The following FAM171A1 variants were observed in gnomAD, a reference collection of about 807,000 sequenced individuals.
FAM171A1 encodes protein FAM171A1.
Under a neutral mutation model 74.9 loss-of-function variants are expected in FAM171A1, and 23 were observed. The ratio of observed to expected loss-of-function variants is 0.31; its 90% CI spans 0.22 to 0.44. The LOEUF is 0.44. FAM171A1 is among the 20% of genes least tolerant of loss of function. FAM171A1 has a pLI of 1.00. For missense variants in FAM171A1, 1,162 were observed against 1,159.2 expected (o/e 1.00, Z -0.03); for synonymous variants, 527 against 505.7 (o/e 1.04, Z -0.57).
intron 1 of FAM171A1, among the ~76,000 whole-genome samples, chr10:15,369,687 G>A (rs953486508): frequency 2.0e-5 from 3 of 152,198 alleles, no homozygotes; most frequent in African/African-American, 7.2e-5. Context: ...TGTTGGCAGA[G>A]CCTTTCCTCC....
At chr10:15,305,890 CG>C (rs1564271635) in intron 1 of FAM171A1, among the ~76,000 whole-genome samples, 2 of 152,088 alleles carry the variant, frequency 1.3e-5, no homozygotes, top group African/African-American at 4.8e-5. Context: ...TGCACGAACA[CG>C]GGGACAGACA....
In FAM171A1 at chr10:15,371,061, C is replaced by G. The variant is rs1394133966; in HGVS notation, c.-9G>C. 12 of 1,079,248 alleles carry G rather than the reference C, an allele frequency of 1.1e-5. No homozygotes were observed. The highest frequency in any genetic ancestry group is 1.4e-5 in the Non-Finnish European group (12 of 878,942). The allele number at this position is 1,079,248 out of a possible 1,614,324, so 66.9% of individuals were successfully genotyped here. ...GTCGCGGACCTGCTCATCTCCGCCG[C>G]GGGGCCGGCGGCGGCTCGGGCTCGC... On this transcript the variant is annotated 5_prime_UTR_variant, in exon 1 of 8. Coordinates refer to ENST00000378116, the MANE Select transcript of FAM171A1 (RefSeq NM_001010924.2).
At chr10:15,285,898 C>T (rs1424174115) in intron 1 of FAM171A1, among the ~76,000 whole-genome samples, 3 of 152,204 alleles carry the variant, frequency 2.0e-5, no homozygotes, top group African/African-American at 7.2e-5. Flanking sequence ...CTGGGTCAGC[C>T]TTGCAGGTAT....
At chr10:15,277,943 A>G (rs1834915084) in intron 2 of FAM171A1, among the ~76,000 whole-genome samples, 1 of 152,060 alleles carries the variant, frequency 6.6e-6, no homozygotes, top group African/African-American at 2.4e-5. Flanking sequence ...TTTAGTAGTG[A>G]TGGGGTTTCG....
intron 5 of FAM171A1, among the ~76,000 whole-genome samples, chr10:15,243,370 C>T (rs1474853362): frequency 6.6e-6 from 1 of 152,136 alleles, no homozygotes; most frequent in Non-Finnish European, 1.5e-5. Flanking sequence ...GTCCCTTGAC[C>T]GTATAAGGTA....
intron 1 of FAM171A1, among the ~76,000 whole-genome samples, chr10:15,345,925 G>A (rs1163286764): frequency 2.0e-5 from 3 of 152,256 alleles, no homozygotes; most frequent in South Asian, 2.1e-4. Context: ...AGAAATGTCC[G>A]CTGGATCTGG....
chr10:15,228,318 C>G (rs1029118874), intron 5 of FAM171A1, among the ~76,000 whole-genome samples: 1 of 146,122 alleles, frequency 6.8e-6, no homozygotes, highest in Admixed American at 6.9e-5. Flanking sequence ...AGCCAAAGTA[C>G]AAGAACAAAG....
Position 15,212,013 on chromosome 10 carries a change from G to A in FAM171A1, c.*902C>T, listed in dbSNP as rs1381822967. On this transcript the variant is annotated 3_prime_UTR_variant, in exon 8 of 8. Coordinates refer to ENST00000378116, the MANE Select transcript of FAM171A1 (RefSeq NM_001010924.2). ...ACTAGAGAGCACACTGTGTTGAAAC[G>A]AGGATGCTGACCCCAAATGGCACTT... 6.6e-6 allele frequency: 1 copy of A among 152,640 alleles called. No individual in the cohort carries two copies. Among genetic ancestry groups the A allele is most frequent in the Non-Finnish European group, 1.5e-5 (1 of 68,050 alleles). The allele number at this position is 152,640 out of a possible 1,614,324, so 9.5% of individuals were successfully genotyped here.
chr10:15,233,523 T>A, intron 5 of FAM171A1, among the ~76,000 whole-genome samples: 1 of 113,350 alleles, frequency 8.8e-6, no homozygotes, highest in East Asian at 2.5e-4. Context: ...GTATTCAGGG[T>A]GTGTGTGTGT....
rs116250540 is a variant in FAM171A1, at chr10:15,304,617, C to G, written c.98-20512G>C. Reference sequence around the variant, plus strand: ...TCCTGCCCACATTTTCTCCTGCTCCCTCAGCCTCCTGGCTGGCCCTGGTGT... The same window carrying G: ...TCCTGCCCACATTTTCTCCTGCTCCGTCAGCCTCCTGGCTGGCCCTGGTGT... On this transcript the variant is annotated intron_variant, in intron 1 of 7. Coordinates refer to ENST00000378116, the MANE Select transcript of FAM171A1 (RefSeq NM_001010924.2). 7.5e-3 allele frequency among the ~76,000 whole-genome samples: 1,135 copies of G among 152,336 alleles called. 12 individuals are homozygous for G. Among genetic ancestry groups the G allele is most frequent in the African/African-American group, 0.026 (1,075 of 41,576 alleles).
At chr10:15,350,381 A>AGTGCAGT (rs1275864254) in intron 1 of FAM171A1, among the ~76,000 whole-genome samples, 6 of 152,136 alleles carry the variant, frequency 3.9e-5, no homozygotes, top group Non-Finnish European at 5.9e-5. Flanking sequence ...TGTGTTGCCC[A>AGTGCAGT]GGCTGGAGTG....
At chr10:15,311,124 C>A (rs539529051) in intron 1 of FAM171A1, among the ~76,000 whole-genome samples, 1 of 152,204 alleles carries the variant, frequency 6.6e-6, no homozygotes, top group Non-Finnish European at 1.5e-5. Context: ...CAGGCTACTG[C>A]CCCCTGTTCC....
At chr10:15,304,004 C>A (rs1013962880) in intron 1 of FAM171A1, among the ~76,000 whole-genome samples, 1 of 152,202 alleles carries the variant, frequency 6.6e-6, no homozygotes, top group Admixed American at 6.5e-5. Context: ...GACGATTTCC[C>A]GGGGCTGATG....
intron 1 of FAM171A1, among the ~76,000 whole-genome samples, chr10:15,325,668 G>A (rs752762138): frequency 1.3e-5 from 2 of 152,130 alleles, no homozygotes; most frequent in East Asian, 3.9e-4. Flanking sequence ...GTAGAATCAA[G>A]CTTTGATATT....
chr10:15,217,571 G>T (rs561987943), intron 6 of FAM171A1, among the ~76,000 whole-genome samples: 2 of 152,004 alleles, frequency 1.3e-5, no homozygotes, highest in Admixed American at 1.3e-4. Context: ...GCGAGGAGGG[G>T]GTTAAAGTTT....
intron 5 of FAM171A1, among the ~76,000 whole-genome samples, chr10:15,243,093 G>A (rs988588977): frequency 2.6e-5 from 4 of 151,920 alleles, no homozygotes; most frequent in Non-Finnish European, 2.9e-5. Flanking sequence ...CCACAGGGCC[G>A]GTTTCTCCTG....
chr10:15,228,947 G>T (rs1241136140), intron 5 of FAM171A1, among the ~76,000 whole-genome samples: 1 of 152,162 alleles, frequency 6.6e-6, no homozygotes, highest in East Asian at 1.9e-4. Context: ...TCATTTAAGC[G>T]CTTGTAGCTG....
chr10:15,254,683 C>T (rs1834553308), intron 4 of FAM171A1, 38 bp downstream of exon 4: 3 of 1,604,174 alleles, frequency 1.9e-6, no homozygotes, highest in Non-Finnish European at 1.7e-6. Context: ...GACTAAAACA[C>T]AGTAACTCCC....
intron 3 of FAM171A1, among the ~76,000 whole-genome samples, chr10:15,266,453 C>G (rs1284034231): frequency 6.6e-6 from 1 of 152,088 alleles, no homozygotes; most frequent in Non-Finnish European, 1.5e-5. Context: ...CATGTGGCAT[C>G]CAGGCTGCCC....
Sources: allele counts gnomAD v4.1 joint callset (sites outside exome capture counted in the v4.1 genomes callset), GRCh38; gene constraint gnomAD v4.1.1; transcripts MANE v1.5; gene names NCBI Gene and HGNC (gene_info 2026-07-23, HGNC 2026-07-21).